LAMA2: variants seen among roughly 807,000 people sequenced by gnomAD.
LAMA2 encodes laminin subunit alpha 2.
A neutral mutation model predicts 364.8 loss-of-function variants in LAMA2; 269 were observed. The observed-to-expected ratio is 0.74, with a 90% CI of 0.67 to 0.82. LAMA2 has a LOEUF of 0.82. LAMA2 is among the 40% of genes least tolerant of loss of function. The probability of loss-of-function intolerance (pLI) is 0.00; values close to 1 mark genes in which losing one functional copy is unlikely to be tolerated. For synonymous variants in LAMA2, 1,379 were observed against 1,370.6 expected (o/e 1.01, Z -0.14); for missense variants, 3,807 against 3,873.2 (o/e 0.98, Z 0.45).
At chr6:128,960,532 G>C (rs1762871822) in intron 1 of LAMA2, among the ~76,000 whole-genome samples, 1 of 146,692 alleles carries the variant, frequency 6.8e-6, no homozygotes, top group South Asian at 2.2e-4. Flanking sequence ...GCTAATTTTT[G>C]TATTTTTAGT....
intron 22 of LAMA2, among the ~76,000 whole-genome samples, chr6:129,304,221 C>T (rs182893594): frequency 6.6e-6 from 1 of 152,168 alleles, no homozygotes. Flanking sequence ...CCTTCTTTTG[C>T]TTACTTTGAG....
chr6:129,169,446 T>G (rs1200384832), intron 9 of LAMA2, among the ~76,000 whole-genome samples: 1 of 148,616 alleles, frequency 6.7e-6, no homozygotes, highest in African/African-American at 2.5e-5. Context: ...TTGGCTCTGT[T>G]TATATGCTGG....
intron 10 of LAMA2, 82 bp downstream of exon 10, chr6:129,177,948 T>C: frequency 1.5e-6 from 2 of 1,373,926 alleles, no homozygotes; most frequent in Non-Finnish European, 2.1e-6. Flanking sequence ...TCCTTGGCAT[T>C]AAGCAATTTT....
intron 1 of LAMA2, among the ~76,000 whole-genome samples, chr6:128,896,942 T>C (rs1256781631): frequency 2.0e-5 from 3 of 152,256 alleles, no homozygotes; most frequent in Non-Finnish European, 4.4e-5. Context: ...ATGGAATACC[T>C]AACTATGGGC....
chr6:129,323,703 A>T (rs1017166521), intron 28 of LAMA2, among the ~76,000 whole-genome samples: 1 of 152,194 alleles, frequency 6.6e-6, no homozygotes, highest in Non-Finnish European at 1.5e-5. Context: ...TTGAAAGGTT[A>T]TATGCAGGTA....
At chr6:129,101,975 T>A (rs1173643658) in intron 4 of LAMA2, among the ~76,000 whole-genome samples, 1 of 152,178 alleles carries the variant, frequency 6.6e-6, no homozygotes, top group East Asian at 1.9e-4. Flanking sequence ...TTTCTGTATC[T>A]TCATTCTAGG....
intron 1 of LAMA2, among the ~76,000 whole-genome samples, chr6:128,939,502 T>G (rs1780030779): frequency 6.6e-6 from 1 of 152,170 alleles, no homozygotes; most frequent in African/African-American, 2.4e-5. Flanking sequence ...ACAAAGTATC[T>G]GACACATAGT....
At chr6:129,010,557 G>A (rs9492187) in intron 1 of LAMA2, among the ~76,000 whole-genome samples, 2,472 of 152,276 alleles carry the variant, frequency 0.016, 77 homozygotes, top group African/African-American at 0.057. Flanking sequence ...ACTTTAAATA[G>A]GGAAAAGGTG....
chr6:129,238,361 G>T (rs1175720005), intron 12 of LAMA2, among the ~76,000 whole-genome samples: 1 of 152,088 alleles, frequency 6.6e-6, no homozygotes, highest in Non-Finnish European at 1.5e-5. Context: ...TTCCTCTTAT[G>T]AATTTCTTTT....
intron 20 of LAMA2, among the ~76,000 whole-genome samples, chr6:129,293,848 C>T (rs1789891436): frequency 6.6e-6 from 1 of 152,180 alleles, no homozygotes; most frequent in Non-Finnish European, 1.5e-5. Flanking sequence ...TTTCTTGGCT[C>T]ATTATCACAC....
Position 129,438,665 on chromosome 6 carries a change from T to A in LAMA2, c.5988T>A (p.Asn1996Lys). 6.3e-7 allele frequency: 1 copy of A among 1,597,184 alleles called. No individual in the cohort carries two copies. Among genetic ancestry groups the A allele is most frequent in the African/African-American group, 1.3e-5 (1 of 74,652 alleles). Residue 1996 changes from asparagine to lysine, a missense_variant, in exon 42 of 65, where the codon AAT becomes AAA. By Grantham distance (94) the Asn-to-Lys change is moderately conservative. Coordinates refer to ENST00000421865, the MANE Select transcript of LAMA2 (RefSeq NM_000426.4). ...TCGCAGAAAATGAAGACCATCTAAA[T>A]GGCTTAAAAACCAGGATAGAAAATG... The part of the protein sequence containing the change: ...NDVKENEDHL[N>K]GLKTRIENAD...
At chr6:128,912,446 A>G (rs1423728038) in intron 1 of LAMA2, among the ~76,000 whole-genome samples, 1 of 152,224 alleles carries the variant, frequency 6.6e-6, no homozygotes, top group South Asian at 2.1e-4. Flanking sequence ...TGAGATTTCT[A>G]TAAAATTCTT....
chr6:128,984,803 A>G (rs1783114349), intron 1 of LAMA2, among the ~76,000 whole-genome samples: 1 of 152,138 alleles, frequency 6.6e-6, no homozygotes, highest in African/African-American at 2.4e-5. Context: ...TTCCTGAGGG[A>G]GTGTCAGCTA....
At chr6:129,277,551 A>G (rs1788416013) in intron 17 of LAMA2, among the ~76,000 whole-genome samples, 1 of 152,174 alleles carries the variant, frequency 6.6e-6, no homozygotes, top group Non-Finnish European at 1.5e-5. Flanking sequence ...AGAAACTTAA[A>G]CTTACTTAAT....
chr6:128,929,985 G>A (rs1779356979), intron 1 of LAMA2: 5 of 586,742 alleles, frequency 8.5e-6, no homozygotes, highest in Middle Eastern at 5.0e-4. Flanking sequence ...CGATCTTTGC[G>A]CACGGCGGCG....
intron 1 of LAMA2, among the ~76,000 whole-genome samples, chr6:129,024,388 T>C (rs1351359351): frequency 2.8e-5 from 2 of 71,532 alleles, no homozygotes; most frequent in Non-Finnish European, 5.7e-5. Context: ...CTTTCTTTTT[T>C]TTTTTTTTTT....
intron 29 of LAMA2, among the ~76,000 whole-genome samples, chr6:129,339,830 C>T (rs1177225573): frequency 6.6e-6 from 1 of 151,964 alleles, no homozygotes; most frequent in Admixed American, 6.6e-5. Flanking sequence ...TGGTGAAACC[C>T]CGTCTTTACT....
intron 62 of LAMA2, 67 bp downstream of exon 62, chr6:129,507,709 C>G: frequency 1.4e-6 from 2 of 1,475,958 alleles, no homozygotes; most frequent in South Asian, 2.3e-5. Context: ...CTTGCTAGTA[C>G]CAAATAATAA....
intron 3 of LAMA2, among the ~76,000 whole-genome samples, chr6:129,086,011 T>G (rs1221778774): frequency 6.6e-6 from 1 of 152,218 alleles, no homozygotes; most frequent in Admixed American, 6.5e-5. Context: ...TCTCATTTTT[T>G]CCTTTTATTT....
Sources: allele counts gnomAD v4.1 joint callset (sites outside exome capture counted in the v4.1 genomes callset), GRCh38; gene constraint gnomAD v4.1.1; transcripts MANE v1.5; gene names NCBI Gene and HGNC (gene_info 2026-07-23, HGNC 2026-07-21).